The following CTNNA1 variants were observed in gnomAD, a reference collection of about 807,000 sequenced individuals.
The protein encoded by CTNNA1 is catenin alpha 1.
Under a neutral mutation model 98.4 loss-of-function variants are expected in CTNNA1, and 37 were observed. That is an observed-to-expected ratio of 0.38 (90% CI 0.29 to 0.49). CTNNA1 has a LOEUF of 0.49. Among genes scored for constraint, CTNNA1 ranks in the 20% least tolerant of loss-of-function variants. The pLI, the probability that CTNNA1 is intolerant of heterozygous loss-of-function variation, is 0.95. For missense variants in CTNNA1, 761 were observed against 1,147.2 expected (o/e 0.66, Z 4.86); for synonymous variants, 404 against 413.2 (o/e 0.98, Z 0.27).
At chr5:138,771,809 A>G (rs924509936) in intron 1 of CTNNA1, among the ~76,000 whole-genome samples, 25 of 152,148 alleles carry the variant, frequency 1.6e-4, no homozygotes, top group African/African-American at 4.6e-4. Context: ...GTATTCCACA[A>G]TCTTCTGTCT....
In CTNNA1 at chr5:138,929,323, A is replaced by G; in HGVS notation, c.1977A>G (p.Glu659=). 1 of 1,610,254 alleles carries G rather than the reference A, an allele frequency of 6.2e-7. No homozygotes were observed. Among genetic ancestry groups the G allele is most frequent in the South Asian group, 1.1e-5 (1 of 91,024 alleles). Residue 659 remains glutamate (E), a synonymous_variant, in exon 14 of 18, where the codon GAA becomes GAG. Coordinates refer to ENST00000302763, the MANE Select transcript of CTNNA1 (RefSeq NM_001903.5). ...DVRSRTSVQT[E]DDQLIAGQSA... Reference sequence around the variant, plus strand: ...GAAGCAGGACGAGCGTCCAGACAGAAGACGATCAGCTGATAGCTGGCCAGA... The same window carrying G: ...GAAGCAGGACGAGCGTCCAGACAGAGGACGATCAGCTGATAGCTGGCCAGA...
intron 1 of CTNNA1, among the ~76,000 whole-genome samples, chr5:138,778,792 A>G (rs775066679): frequency 2.0e-5 from 3 of 152,172 alleles, no homozygotes; most frequent in Admixed American, 1.3e-4. Context: ...GCATTAGTCA[A>G]TGGATCATAC....
intron 7 of CTNNA1, among the ~76,000 whole-genome samples, chr5:138,876,462 T>C (rs1751544564): frequency 6.6e-6 from 1 of 152,242 alleles, no homozygotes; most frequent in African/African-American, 2.4e-5. Flanking sequence ...TGTGGATGTA[T>C]AGCTCCATGT....
chr5:138,810,319 A>G (rs913710253), intron 4 of CTNNA1, 115 bp downstream of exon 4: 28 of 1,102,412 alleles, frequency 2.5e-5, no homozygotes, highest in Admixed American at 8.5e-5. Flanking sequence ...GTTTATCTCA[A>G]TGGACCAGAG....
chr5:138,844,817 T>C (rs1762571143), intron 7 of CTNNA1, among the ~76,000 whole-genome samples: 1 of 152,180 alleles, frequency 6.6e-6, no homozygotes, highest in Non-Finnish European at 1.5e-5. Context: ...TTGGCATTCA[T>C]TGGCTCTGGG....
intron 3 of CTNNA1, among the ~76,000 whole-genome samples, chr5:138,787,900 G>A (rs1341376691): frequency 6.6e-6 from 1 of 152,156 alleles, no homozygotes; most frequent in Non-Finnish European, 1.5e-5. Context: ...TGACTTCAAG[G>A]CTAATGAAAT....
At chr5:138,778,095 G>A (rs2149636583) in intron 1 of CTNNA1, among the ~76,000 whole-genome samples, 1 of 140,526 alleles carries the variant, frequency 7.1e-6, no homozygotes, top group South Asian at 2.3e-4. Flanking sequence ...CCAGGTTCAT[G>A]CCATTCTCCT....
At chr5:138,816,202 T>G (rs6596453) in intron 5 of CTNNA1, among the ~76,000 whole-genome samples, 112,971 of 152,142 alleles carry the variant, frequency 0.74, 42,214 homozygotes, top group East Asian at 0.99. Context: ...CATCCATGTT[T>G]CCATGAATGA....
At chr5:138,919,457 G>A (rs887611864) in intron 11 of CTNNA1, among the ~76,000 whole-genome samples, 18 of 152,264 alleles carry the variant, frequency 1.2e-4, no homozygotes, top group African/African-American at 3.6e-4. Flanking sequence ...TGCACCATTC[G>A]TCAAATCAGT....
At chr5:138,759,980 CTTTTT>C (rs70982734) in intron 1 of CTNNA1, among the ~76,000 whole-genome samples, 3 of 61,242 alleles carry the variant, frequency 4.9e-5, no homozygotes, top group East Asian at 7.8e-4. Context: ...AATTTCTTTC[CTTTTT>C]TTTTTTTTTT....
chr5:138,873,632 C>T lies in CTNNA1; in HGVS notation c.1063-12580C>T, dbSNP rs770935138. ...TCGGGCGCTGCATTCCCACAGATTG[C>T]CAGAGAGACCAACGGTTGTGAGGGA... is the stretch of plus-strand genomic sequence containing the variant. On this transcript the variant is annotated intron_variant, in intron 7 of 17. Transcript: ENST00000302763. This position sits in a 1 kb window ranked among gnomAD's most constrained non-coding sequence, Gnocchi z 6.1. The T allele has an allele frequency of 2.5e-6, 4 of 1,613,998 alleles. No homozygotes were observed. Among genetic ancestry groups the T allele is most frequent in the Non-Finnish European group, 3.4e-6 (4 of 1,179,898 alleles).
intron 11 of CTNNA1, 93 bp from the exon 12 acceptor site, chr5:138,924,417 C>T: frequency 3.9e-6 from 5 of 1,290,162 alleles, no homozygotes; most frequent in Non-Finnish European, 5.5e-6. Context: ...GTGGCTGGCA[C>T]CAAGCAAACA....
In CTNNA1 at chr5:138,930,736, C is replaced by T. The variant is rs554115970; in HGVS notation, c.2192+82C>T. On this transcript the variant is annotated intron_variant, in intron 15 of 17. Coordinates refer to ENST00000302763, the MANE Select transcript of CTNNA1 (RefSeq NM_001903.5). The stretch of plus-strand genomic sequence containing the variant: ...TCACCTGCGCAGCGGCTCAGACAGC[C>T]CAGGCCATGGGGCTTTGTGGACAAT... 3.0e-5 allele frequency: 46 copies of T among 1,549,192 alleles called. 1 individual carries two copies. In the South Asian group the frequency reaches 5.0e-4, roughly 17 times the overall value.
chr5:138,805,123 C>T (rs1295482345), intron 3 of CTNNA1, among the ~76,000 whole-genome samples: 1 of 152,104 alleles, frequency 6.6e-6, no homozygotes, highest in Non-Finnish European at 1.5e-5. Flanking sequence ...AACTCATTCA[C>T]CATCACAAGA....
chr5:138,775,764 C>T (rs574237644), intron 1 of CTNNA1, among the ~76,000 whole-genome samples: 2 of 145,834 alleles, frequency 1.4e-5, no homozygotes, highest in South Asian at 2.3e-4. Context: ...CTCTGTCCGC[C>T]CAGGCTGGAG....
At chr5:138,773,920 G>A (rs772660850) in intron 1 of CTNNA1, among the ~76,000 whole-genome samples, 23 of 152,076 alleles carry the variant, frequency 1.5e-4, no homozygotes, top group Non-Finnish European at 2.9e-5. Flanking sequence ...GTCTCACTCT[G>A]TCGCCCTGGC....
chr5:138,768,288 C>T (rs1753152803), intron 1 of CTNNA1, among the ~76,000 whole-genome samples: 1 of 152,090 alleles, frequency 6.6e-6, no homozygotes, highest in South Asian at 2.1e-4. Context: ...GAGATCGAGT[C>T]TCGCTCTGTC....
chr5:138,926,502 G>A (rs1468230598), intron 13 of CTNNA1, among the ~76,000 whole-genome samples: 1 of 142,822 alleles, frequency 7.0e-6, no homozygotes, highest in Non-Finnish European at 1.5e-5. Flanking sequence ...TGTCCTGTTT[G>A]GCCCACTTGC....
chr5:138,894,174 C>T (rs973455466), intron 9 of CTNNA1, among the ~76,000 whole-genome samples: 11 of 152,026 alleles, frequency 7.2e-5, no homozygotes, highest in African/African-American at 2.7e-4. Flanking sequence ...CCGCCTCAGC[C>T]TCCCAAAGTG....
Sources: gnomAD v4.1 joint callset for allele counts (sites outside exome capture counted in the v4.1 genomes callset) on GRCh38, gnomAD v4.1.1 for gene constraint, Gnocchi (gnomAD v3.1) non-coding constraint, MANE v1.5 for transcripts, NCBI Gene and HGNC (gene_info 2026-07-23, HGNC 2026-07-21) for gene names.